MED12L: variants seen among roughly 807,000 people sequenced by gnomAD.
MED12L encodes mediator of RNA polymerase II transcription subunit 12-like protein.
MED12L carries 60 observed loss-of-function variants against 281.3 expected under a neutral mutation model. The ratio of observed to expected loss-of-function variants is 0.21; its 90% CI spans 0.17 to 0.26. The LOEUF is 0.26. MED12L is among the 10% of genes least tolerant of loss of function. The probability of loss-of-function intolerance (pLI) is 1.00; values close to 1 mark genes in which losing one functional copy is unlikely to be tolerated. For synonymous variants in MED12L, 974 were observed against 987.2 expected (o/e 0.99, Z 0.25); for missense variants, 2,146 against 2,680.9 (o/e 0.80, Z 4.41).
chr3:151,304,532 T>C (rs1746377597), intron 16 of MED12L, among the ~76,000 whole-genome samples: 1 of 151,986 alleles, frequency 6.6e-6, no homozygotes, highest in Non-Finnish European at 1.5e-5. Flanking sequence ...GTCATGCCAT[T>C]GCACTCCAGC....
At chr3:151,404,728 C>A (rs1035517455) in intron 39 of MED12L, among the ~76,000 whole-genome samples, 1 of 152,160 alleles carries the variant, frequency 6.6e-6, no homozygotes, top group East Asian at 1.9e-4. Context: ...TATAACTTGT[C>A]TCTCTACTTG....
chr3:151,192,008 A>C (rs1724054483), intron 14 of MED12L, among the ~76,000 whole-genome samples: 1 of 152,198 alleles, frequency 6.6e-6, no homozygotes, highest in African/African-American at 2.4e-5. Flanking sequence ...CTGGTATTAG[A>C]ATTGCAAACA....
chr3:151,315,230 TTTG>T (rs1748077097), intron 16 of MED12L, among the ~76,000 whole-genome samples: 1 of 152,178 alleles, frequency 6.6e-6, no homozygotes, highest in African/African-American at 2.4e-5. Flanking sequence ...CGTGAAATAT[TTTG>T]TTGTTGTGGT....
chr3:151,257,140 T>C (rs1029885847), intron 16 of MED12L, among the ~76,000 whole-genome samples: 5 of 152,224 alleles, frequency 3.3e-5, no homozygotes. Context: ...TTAAGTTTTC[T>C]AGAACCATTT....
At chr3:151,095,540 G>C (rs149469492) in intron 2 of MED12L, among the ~76,000 whole-genome samples, 1 of 152,130 alleles carries the variant, frequency 6.6e-6, no homozygotes, top group Non-Finnish European at 1.5e-5. Flanking sequence ...CTTTCGCCAT[G>C]TTGGCCAAGT....
intron 22 of MED12L, 48 bp downstream of exon 22, chr3:151,365,254 C>G: frequency 1.4e-6 from 2 of 1,468,972 alleles, no homozygotes; most frequent in Non-Finnish European, 9.5e-7. Context: ...GAGTTGTTGC[C>G]TTGGTGCTTC....
At chr3:151,103,954 T>C (rs1215072645) in intron 2 of MED12L, among the ~76,000 whole-genome samples, 2 of 152,250 alleles carry the variant, frequency 1.3e-5, no homozygotes, top group Non-Finnish European at 2.9e-5. Flanking sequence ...TTGTCTGTTA[T>C]GAGGATGGTC....
At chr3:151,117,162 G>C (rs936578998) in intron 3 of MED12L, among the ~76,000 whole-genome samples, 2 of 151,844 alleles carry the variant, frequency 1.3e-5, no homozygotes, top group Admixed American at 6.6e-5. Flanking sequence ...AGTTTTTATT[G>C]TCACTTTGGA....
At chr3:151,273,928 C>T (rs1741433560) in intron 16 of MED12L, among the ~76,000 whole-genome samples, 1 of 152,194 alleles carries the variant, frequency 6.6e-6, no homozygotes, top group Non-Finnish European at 1.5e-5. Context: ...TGTTATGAGG[C>T]TAAGACAGAG....
chr3:151,416,033 G>GGCCC (rs1717497701), intron 42 of MED12L, among the ~76,000 whole-genome samples: 1 of 152,152 alleles, frequency 6.6e-6, no homozygotes, highest in Admixed American at 6.5e-5. Flanking sequence ...CAGAAGGGAT[G>GGCCC]GCCCCGGACA....
intron 11 of MED12L, among the ~76,000 whole-genome samples, chr3:151,174,361 A>T (rs1721792226): frequency 6.6e-6 from 1 of 152,128 alleles, no homozygotes; most frequent in African/African-American, 2.4e-5. Context: ...TTTCATTTGT[A>T]TTACTTAAAC....
At chr3:151,201,621 A>G (rs1725605287) in intron 16 of MED12L, among the ~76,000 whole-genome samples, 1 of 152,166 alleles carries the variant, frequency 6.6e-6, no homozygotes, top group African/African-American at 2.4e-5. Context: ...ATTTATCCTT[A>G]CTATTCCTGA....
chr3:151,168,491 A>C (rs755893207), intron 11 of MED12L, among the ~76,000 whole-genome samples: 1 of 152,146 alleles, frequency 6.6e-6, no homozygotes, highest in Non-Finnish European at 1.5e-5. Context: ...TGTGCTCAGG[A>C]CTGAGAGTCC....
At position 151,163,995 on chromosome 3, in the gene MED12L, C is replaced by G; in HGVS notation, c.1210C>G (p.Pro404Ala). ...ACCCCTGGATCTGCTGCAGGTGGCCCCGTCCAGCCTCCCCATGCCGGGTGG... is the reference window on the plus strand; with the variant it reads ...ACCCCTGGATCTGCTGCAGGTGGCCGCGTCCAGCCTCCCCATGCCGGGTGG... Reference protein sequence around the residue: ...GSPLDLLQVAPSSLPMPGGNT... With the variant: ...GSPLDLLQVAASSLPMPGGNT... The change falls in exon 9 of 45, where the codon CCG becomes GCG. Residue 404 changes from proline (P) to alanine (A), a missense_variant. Physicochemically the swap from Pro to Ala is conservative, Grantham distance 27. Transcript: ENST00000687756. 1 of 1,613,782 alleles carries G rather than the reference C, an allele frequency of 6.2e-7. No individual in the cohort carries two copies. Among genetic ancestry groups the G allele is most frequent in the Non-Finnish European group, 8.5e-7 (1 of 1,179,810 alleles).
rs534030842 is a variant in MED12L at position 151,166,503 on chromosome 3, A to G, written c.1494+521A>G. On this transcript the variant is annotated intron_variant, in intron 11 of 44. Transcript: ENST00000687756. ...TGTTTATATCTACCTAGAGAGAGAA[A>G]GGGGGGGAGAAAAGAGAGGGGTATT... 5.3e-5 allele frequency among the ~76,000 whole-genome samples: 8 copies of G among 151,776 alleles called. No individual in the cohort carries two copies. In the East Asian group the frequency reaches 1.4e-3, roughly 26 times the overall value.
chr3:151,141,770 T>G (rs1432933341), intron 5 of MED12L, among the ~76,000 whole-genome samples: 1 of 152,230 alleles, frequency 6.6e-6, no homozygotes, highest in Non-Finnish European at 1.5e-5. Flanking sequence ...TATAGTTCTG[T>G]TCCAGATAGT....
Position 151,353,869 on chromosome 3 carries a change from C to T in MED12L, c.2399-1252C>T, listed in dbSNP as rs371900869. Among the ~76,000 whole-genome samples the T allele has an allele frequency of 6.6e-5, 10 of 152,110 alleles. No individual in the cohort carries two copies. In the East Asian group the frequency reaches 9.7e-4, roughly 15 times the overall value. ...TTAGAATCACAGTGCTGGCCGGGCG[C>T]GGTGGCTCACGCCTGTAATCCCAGC... On this transcript the variant is annotated intron_variant, in intron 17 of 44. Transcript: ENST00000687756.
intron 39 of MED12L, among the ~76,000 whole-genome samples, chr3:151,403,564 C>A (rs1209222521): frequency 6.6e-6 from 1 of 152,084 alleles, no homozygotes; most frequent in African/African-American, 2.4e-5. Flanking sequence ...GAGCATAGGT[C>A]TTGTGCATGC....
intron 16 of MED12L, among the ~76,000 whole-genome samples, chr3:151,305,228 G>A (rs1036879668): frequency 9.9e-5 from 15 of 152,280 alleles, no homozygotes; most frequent in African/African-American, 2.4e-4. Flanking sequence ...GATCCCGGGC[G>A]GGAATCCTGC....
Sources: gnomAD v4.1 joint callset for allele counts (sites outside exome capture counted in the v4.1 genomes callset) on GRCh38, gnomAD v4.1.1 for gene constraint, MANE v1.5 for transcripts, NCBI Gene and HGNC (gene_info 2026-07-23, HGNC 2026-07-21) for gene names.